RAB38: variants seen among roughly 807,000 people sequenced by gnomAD.
RAB38 encodes ras-related protein Rab-38.
In RAB38, 15 loss-of-function variants were observed where a neutral mutation model predicts 18.4. That is an observed-to-expected ratio of 0.82 (90% CI 0.55 to 1.26). RAB38 has a LOEUF of 1.26. Ranked by LOEUF, RAB38 falls within the 50% of genes most tolerant of loss-of-function variation. RAB38 has a pLI of 0.00. For synonymous variants in RAB38, 101 were observed against 104.4 expected (o/e 0.97, Z 0.20); for missense variants, 294 against 267.4 (o/e 1.10, Z -0.69).
At chr11:88,100,266 T>G in the RAB38 span, among the ~76,000 whole-genome samples, 1 of 152,058 alleles carries the variant, frequency 6.6e-6, no homozygotes, top group South Asian at 2.1e-4. Context: ...AGTACAATAC[T>G]GACAGATGCC....
the RAB38 span, among the ~76,000 whole-genome samples, chr11:87,928,944 A>C: frequency 1.3e-5 from 2 of 151,996 alleles, no homozygotes; most frequent in Non-Finnish European, 2.9e-5. Flanking sequence ...GTGAAACCCT[A>C]TCTCTACTAA....
the RAB38 span, among the ~76,000 whole-genome samples, chr11:87,843,035 C>T: frequency 6.6e-5 from 10 of 152,142 alleles, no homozygotes; most frequent in Admixed American, 6.6e-4. Flanking sequence ...TAATTCAATC[C>T]CTCCCACAGG....
chr11:87,875,050 T>C, the RAB38 span, among the ~76,000 whole-genome samples: 3 of 151,638 alleles, frequency 2.0e-5, no homozygotes, highest in Non-Finnish European at 4.4e-5. Flanking sequence ...CTGTTGTTGA[T>C]CAAAGATTAC....
At chr11:88,032,433 G>C in the RAB38 span, among the ~76,000 whole-genome samples, 1 of 152,268 alleles carries the variant, frequency 6.6e-6, no homozygotes, top group South Asian at 2.1e-4. Flanking sequence ...TACCATCAGA[G>C]TGAACAGGCA....
At chr11:88,080,669 T>C in the RAB38 span, among the ~76,000 whole-genome samples, 2 of 152,018 alleles carry the variant, frequency 1.3e-5, no homozygotes, top group Non-Finnish European at 2.9e-5. Context: ...CACAGTAGTA[T>C]GTTTGTGTAC....
chr11:87,933,079 C>T, the RAB38 span, among the ~76,000 whole-genome samples: 1 of 151,956 alleles, frequency 6.6e-6, no homozygotes, highest in African/African-American at 2.4e-5. Context: ...CATCTTAGAA[C>T]AAAGATGAAT....
the RAB38 span, among the ~76,000 whole-genome samples, chr11:88,010,081 A>C: frequency 6.6e-6 from 1 of 152,150 alleles, no homozygotes; most frequent in Admixed American, 6.6e-5. Flanking sequence ...GTAACTCATC[A>C]CATAAGGTTA....
the RAB38 span, among the ~76,000 whole-genome samples, chr11:88,016,406 T>C: frequency 1.3e-5 from 2 of 152,124 alleles, no homozygotes; most frequent in Admixed American, 1.3e-4. Flanking sequence ...CAGATGCCTG[T>C]GGAATCTAAT....
chr11:87,876,154 G>T, the RAB38 span, among the ~76,000 whole-genome samples: 1 of 151,472 alleles, frequency 6.6e-6, no homozygotes, highest in African/African-American at 2.4e-5. Context: ...CGAAACTGTC[G>T]TGAAAACATG....
At chr11:88,101,798 C>G in the RAB38 span, among the ~76,000 whole-genome samples, 2 of 151,360 alleles carry the variant, frequency 1.3e-5, no homozygotes, top group African/African-American at 2.4e-5. Flanking sequence ...TAATAATATA[C>G]ATAATTATGT....
chr11:87,977,984 TA>T, the RAB38 span, among the ~76,000 whole-genome samples: 2 of 106,882 alleles, frequency 1.9e-5, no homozygotes, highest in Admixed American at 2.4e-4. Context: ...TATAAATACA[TA>T]TCTTATAAAC....
At chr11:88,080,849 AGGAAGGAGGGAG>A in the RAB38 span, among the ~76,000 whole-genome samples, 1 of 111,052 alleles carries the variant, frequency 9.0e-6, no homozygotes, top group Admixed American at 8.6e-5. Flanking sequence ...GAAGGAAGGA[AGGAAGGAGGGAG>A]GGAGGGAGGG....
chr11:87,811,301 T>TGTCA, the RAB38 span, among the ~76,000 whole-genome samples: 1 of 152,304 alleles, frequency 6.6e-6, no homozygotes, highest in South Asian at 2.1e-4. Flanking sequence ...AACACTAAAA[T>TGTCA]GTCAGTAGCT....
the RAB38 span, among the ~76,000 whole-genome samples, chr11:87,874,927 C>T: frequency 1.1e-3 from 162 of 151,438 alleles, no homozygotes; most frequent in East Asian, 0.029. Context: ...ACCATATGGT[C>T]CAGTCATCCC....
the RAB38 span, among the ~76,000 whole-genome samples, chr11:87,891,603 A>ATGAGT: frequency 6.6e-6 from 1 of 151,800 alleles, no homozygotes; most frequent in Non-Finnish European, 1.5e-5. Context: ...TATTTAAACT[A>ATGAGT]TGAGTTCGAA....
the RAB38 span, among the ~76,000 whole-genome samples, chr11:88,105,443 C>A: frequency 6.6e-6 from 1 of 152,120 alleles, no homozygotes; most frequent in African/African-American, 2.4e-5. Context: ...GCAATCTGTT[C>A]TGAACAAATG....
At chr11:87,845,096 G>C in the RAB38 span, among the ~76,000 whole-genome samples, 1 of 152,184 alleles carries the variant, frequency 6.6e-6, no homozygotes, top group East Asian at 1.9e-4. Context: ...AATAGAATTT[G>C]TTGATTTCTT....
intron 1 of RAB38, among the ~76,000 whole-genome samples, chr11:88,163,950 A>G (rs931544716): frequency 1.3e-5 from 2 of 152,112 alleles, no homozygotes; most frequent in Non-Finnish European, 2.9e-5. Context: ...CAGTGGATAA[A>G]GCAGGGGGAA....
the RAB38 span, among the ~76,000 whole-genome samples, chr11:87,846,345 A>G: frequency 3.3e-5 from 5 of 152,112 alleles, no homozygotes; most frequent in African/African-American, 7.2e-5. Context: ...TGCTGCTACA[A>G]GAGCTAAACT....
Sources: gnomAD v4.1 joint callset for allele counts (sites outside exome capture counted in the v4.1 genomes callset) on GRCh38, gnomAD v4.1.1 for gene constraint, MANE v1.5 for transcripts, NCBI Gene and HGNC (gene_info 2026-07-23, HGNC 2026-07-21) for gene names.